NPAS3: variants seen among roughly 807,000 people sequenced by gnomAD.
NPAS3 encodes neuronal PAS domain protein 3, also known as neuronal PAS domain-containing protein 3.
Under a neutral mutation model 73.1 loss-of-function variants are expected in NPAS3, and 14 were observed. The observed-to-expected ratio is 0.19, with a 90% CI of 0.13 to 0.30. The LOEUF (loss-of-function observed/expected upper bound fraction) is 0.30, where lower values mean the gene tolerates loss of function less well. Ranked by LOEUF, NPAS3 falls within the 10% of genes least tolerant of loss-of-function variation. NPAS3 has a pLI of 1.00. For missense variants in NPAS3, 1,096 were observed against 1,250.0 expected (o/e 0.88, Z 1.86); for synonymous variants, 620 against 541.5 (o/e 1.14, Z -2.01).
At position 33,448,448 on chromosome 14, in the gene NPAS3, G is replaced by T. The variant is rs116129458; in HGVS notation, c.468+81180G>T. On this transcript the variant is annotated intron_variant, in intron 4 of 11. Coordinates refer to ENST00000356141, the Ensembl canonical transcript of NPAS3. ...CAAAAGAAGCTCGTGAGCTCCATGC[G>T]GAAGGGTCGCTGAGGGCAAAGTGGT... is the stretch of plus-strand genomic sequence containing the variant. Among the ~76,000 whole-genome samples the T allele has an allele frequency of 5.1e-3, 769 of 152,238 alleles. 4 individuals carry two copies. The highest frequency in any genetic ancestry group is 0.017 in the African/African-American group (719 of 41,526).
At chr14:33,554,985 T>C (rs150087287) in intron 4 of NPAS3, among the ~76,000 whole-genome samples, 7 of 152,310 alleles carry the variant, frequency 4.6e-5, no homozygotes, top group Admixed American at 1.3e-4. Flanking sequence ...TACACTAATG[T>C]CAGGGGATAT....
At chr14:33,689,510 CT>C (rs1356898187) in intron 6 of NPAS3, among the ~76,000 whole-genome samples, 4 of 152,126 alleles carry the variant, frequency 2.6e-5, no homozygotes, top group Non-Finnish European at 5.9e-5. Context: ...TAAATTTGGG[CT>C]TCACTGACAC....
At chr14:33,176,272 A>G (rs2045586953) in intron 2 of NPAS3, among the ~76,000 whole-genome samples, 1 of 152,256 alleles carries the variant, frequency 6.6e-6, no homozygotes, top group South Asian at 2.1e-4. Context: ...TACAGTGGCA[A>G]TAACTACATT....
intron 4 of NPAS3, among the ~76,000 whole-genome samples, chr14:33,541,048 C>T (rs1245025292): frequency 6.6e-6 from 1 of 151,356 alleles, no homozygotes; most frequent in African/African-American, 2.4e-5. Context: ...GTTCTATACC[C>T]AGTTATGTTT....
intron 2 of NPAS3, among the ~76,000 whole-genome samples, chr14:33,146,442 G>A (rs1019470703): frequency 6.6e-6 from 1 of 152,190 alleles, no homozygotes; most frequent in Non-Finnish European, 1.5e-5. Context: ...GCCTAGGATG[G>A]CACTTGGCAC....
intron 3 of NPAS3, among the ~76,000 whole-genome samples, chr14:33,312,524 A>C (rs2140200394): frequency 6.6e-6 from 1 of 152,228 alleles, no homozygotes; most frequent in Middle Eastern, 3.4e-3. Flanking sequence ...TGAATTAAAA[A>C]GTTGCAACAT....
intron 3 of NPAS3, among the ~76,000 whole-genome samples, chr14:33,319,128 G>GTTGGATAGT (rs111769457): frequency 0.17 from 23,702 of 138,810 alleles, 2,136 homozygotes; most frequent in African/African-American, 0.28. Flanking sequence ...GGCCTCTCTA[G>GTTGGATAGT]TTGGATAGTT....
chr14:33,792,122 T>C (rs2063375864), intron 9 of NPAS3, among the ~76,000 whole-genome samples: 1 of 152,224 alleles, frequency 6.6e-6, no homozygotes, highest in African/African-American at 2.4e-5. Context: ...GTTAGTATTT[T>C]ACTGCTTTCA....
chr14:33,144,206 A>C (rs2139195346), intron 2 of NPAS3, among the ~76,000 whole-genome samples: 1 of 152,258 alleles, frequency 6.6e-6, no homozygotes, highest in South Asian at 2.1e-4. Flanking sequence ...TGTGCTTGCC[A>C]ATACTTATTT....
chr14:33,653,517 C>T (rs1164791563), intron 5 of NPAS3, among the ~76,000 whole-genome samples: 1 of 152,216 alleles, frequency 6.6e-6, no homozygotes. Context: ...CGCCCCTTGG[C>T]AAAAATTACT....
chr14:33,558,273 T>G (rs1369802064), intron 4 of NPAS3, among the ~76,000 whole-genome samples: 1 of 152,150 alleles, frequency 6.6e-6, no homozygotes, highest in Non-Finnish European at 1.5e-5. Flanking sequence ...TCACTTTTTT[T>G]TTTTTGAGAC....
chr14:33,772,811 C>T (rs1456848271), intron 7 of NPAS3, among the ~76,000 whole-genome samples: 1 of 152,112 alleles, frequency 6.6e-6, no homozygotes, highest in Non-Finnish European at 1.5e-5. Flanking sequence ...CATAAAGTAG[C>T]TCATCTGACC....
chr14:33,707,683 A>T (rs1013702560), intron 6 of NPAS3, among the ~76,000 whole-genome samples: 1 of 152,248 alleles, frequency 6.6e-6, no homozygotes, highest in Non-Finnish European at 1.5e-5. Context: ...CATAAACTTC[A>T]GCAGGCAAGA....
At chr14:33,346,527 C>CAA (rs33926266) in intron 3 of NPAS3, among the ~76,000 whole-genome samples, 1,142 of 68,744 alleles carry the variant, frequency 0.017, 26 homozygotes, top group African/African-American at 0.022. Context: ...GACCCTGTCT[C>CAA]AAAAAAAAAA....
At chr14:33,447,166 A>G (rs1489497341) in intron 4 of NPAS3, among the ~76,000 whole-genome samples, 1 of 152,248 alleles carries the variant, frequency 6.6e-6, no homozygotes, top group Non-Finnish European at 1.5e-5. Context: ...CTAAAGGACT[A>G]TCTTAGCTTG....
At chr14:33,783,246 G>A (rs2138545212) in intron 9 of NPAS3, among the ~76,000 whole-genome samples, 1 of 152,300 alleles carries the variant, frequency 6.6e-6, no homozygotes, top group East Asian at 1.9e-4. Context: ...GAGAAAAGGT[G>A]GAAAGTTTGA....
intron 2 of NPAS3, among the ~76,000 whole-genome samples, chr14:33,110,755 T>C (rs2042865518): frequency 6.6e-6 from 1 of 152,052 alleles, no homozygotes; most frequent in Non-Finnish European, 1.5e-5. Flanking sequence ...CAAATGCGCA[T>C]TTCTATATCT....
At chr14:33,564,832 A>G (rs2055846589) in intron 5 of NPAS3, among the ~76,000 whole-genome samples, 1 of 152,208 alleles carries the variant, frequency 6.6e-6, no homozygotes, top group East Asian at 1.9e-4. Flanking sequence ...TACAACAAAA[A>G]TGAGATCTAG....
chr14:33,281,287 T>C (rs1052320777), intron 3 of NPAS3, among the ~76,000 whole-genome samples: 2 of 152,234 alleles, frequency 1.3e-5, no homozygotes, highest in Non-Finnish European at 2.9e-5. Context: ...TTATTGACTA[T>C]CATCTTTAGA....
Sources: allele counts gnomAD v4.1 joint callset (sites outside exome capture counted in the v4.1 genomes callset), GRCh38; gene constraint gnomAD v4.1.1; transcripts MANE v1.5; gene names NCBI Gene and HGNC (gene_info 2026-07-23, HGNC 2026-07-21).